The following AGBL4 variants were observed in gnomAD, a reference collection of about 807,000 sequenced individuals.
AGBL4 encodes the protein cytosolic carboxypeptidase 6.
A neutral mutation model predicts 66.4 loss-of-function variants in AGBL4; 58 were observed. The ratio of observed to expected loss-of-function variants is 0.87; its 90% CI spans 0.71 to 1.09. The LOEUF (loss-of-function observed/expected upper bound fraction) is 1.09. Ranked by LOEUF, AGBL4 falls within the 50% of genes least tolerant of loss-of-function variation. The pLI, the probability that AGBL4 is intolerant of heterozygous loss-of-function variation, is 0.00. For missense variants in AGBL4, 579 were observed against 631.0 expected (o/e 0.92, Z 0.88); for synonymous variants, 234 against 222.9 (o/e 1.05, Z -0.44).
intron 6 of AGBL4, chr1:48,742,513 C>T: frequency 8.5e-7 from 1 of 1,181,382 alleles, no homozygotes; most frequent in African/African-American, 1.6e-5. Flanking sequence ...AGGGCTAGGC[C>T]AGGAGGCCAA....
chr1:48,616,413 A>G (rs1360331275), intron 9 of AGBL4, among the ~76,000 whole-genome samples: 2 of 152,208 alleles, frequency 1.3e-5, no homozygotes. Flanking sequence ...CTAAGGTTAT[A>G]CAACCAGTAA....
intron 3 of AGBL4, among the ~76,000 whole-genome samples, chr1:49,318,890 A>C (rs1174104495): frequency 6.6e-6 from 1 of 152,068 alleles, no homozygotes; most frequent in Non-Finnish European, 1.5e-5. Flanking sequence ...GTGATATGTG[A>C]GTCTACCTAC....
At chr1:49,701,199 G>A (rs1293465332) in intron 2 of AGBL4, among the ~76,000 whole-genome samples, 4 of 151,960 alleles carry the variant, frequency 2.6e-5, no homozygotes, top group Non-Finnish European at 4.4e-5. Flanking sequence ...GGCTTAGGCA[G>A]CAGAATCACT....
chr1:49,005,284 A>G (rs1284875900), intron 5 of AGBL4, among the ~76,000 whole-genome samples: 1 of 152,200 alleles, frequency 6.6e-6, no homozygotes, highest in East Asian at 1.9e-4. Flanking sequence ...TTCATTTTCC[A>G]TGGTTTCAGT....
chr1:49,188,217 C>A (rs1403271635), intron 4 of AGBL4, among the ~76,000 whole-genome samples: 1 of 152,180 alleles, frequency 6.6e-6, no homozygotes, highest in South Asian at 2.1e-4. Flanking sequence ...TTCATTTCTG[C>A]AGATGCTGCT....
intron 3 of AGBL4, among the ~76,000 whole-genome samples, chr1:49,324,547 T>G (rs1645192528): frequency 6.6e-6 from 1 of 152,246 alleles, no homozygotes; most frequent in Non-Finnish European, 1.5e-5. Context: ...TTCCCAAATG[T>G]CTGTGTTTAC....
chr1:49,652,648 C>T (rs1160238783), intron 3 of AGBL4, among the ~76,000 whole-genome samples: 1 of 152,158 alleles, frequency 6.6e-6, no homozygotes, highest in African/African-American at 2.4e-5. Flanking sequence ...CCCCTGCTGC[C>T]AGTGCCAGCA....
intron 6 of AGBL4, among the ~76,000 whole-genome samples, chr1:48,758,504 A>G (rs964714915): frequency 3.3e-5 from 5 of 152,140 alleles, no homozygotes; most frequent in African/African-American, 1.2e-4. Flanking sequence ...GGCATTTATC[A>G]CTTTCTGACT....
chr1:48,940,813 C>T (rs1037610246), intron 5 of AGBL4, among the ~76,000 whole-genome samples: 5 of 152,178 alleles, frequency 3.3e-5, no homozygotes, highest in African/African-American at 1.2e-4. Context: ...TATTCCAACC[C>T]TGAGATTCAA....
chr1:48,815,521 T>C (rs1194228498), intron 6 of AGBL4, among the ~76,000 whole-genome samples: 1 of 152,158 alleles, frequency 6.6e-6, no homozygotes, highest in Non-Finnish European at 1.5e-5. Flanking sequence ...TTTCAACAAG[T>C]GACTTCACTC....
intron 3 of AGBL4, among the ~76,000 whole-genome samples, chr1:49,626,108 A>G (rs1645458457): frequency 6.6e-6 from 1 of 152,150 alleles, no homozygotes; most frequent in African/African-American, 2.4e-5. Flanking sequence ...TGGTTCCTGG[A>G]TCCATATATT....
intron 3 of AGBL4, among the ~76,000 whole-genome samples, chr1:49,664,745 G>A (rs1646330306): frequency 6.6e-6 from 1 of 151,904 alleles, no homozygotes; most frequent in African/African-American, 2.4e-5. Flanking sequence ...ACATAATATT[G>A]CTTTTAGTTA....
intron 1 of AGBL4, among the ~76,000 whole-genome samples, chr1:49,996,750 G>A (rs1204832494): frequency 6.6e-6 from 1 of 152,130 alleles, no homozygotes; most frequent in Admixed American, 6.5e-5. Flanking sequence ...CACTGCCTAG[G>A]CACATACTCA....
At position 49,414,306 on chromosome 1, in the gene AGBL4, G is replaced by C. The variant is rs1645380958; in HGVS notation, c.283-168442C>G. On this transcript the variant is annotated intron_variant, in intron 3 of 13. Coordinates refer to ENST00000371839, the MANE Select transcript of AGBL4 (RefSeq NM_032785.4). Reference sequence around the variant, plus strand: ...GTTGGTGAGTAAAAGGGAAATACATGAGAAAAAATGAAAGTTGCACCATTC... The same window carrying C: ...GTTGGTGAGTAAAAGGGAAATACATCAGAAAAAATGAAAGTTGCACCATTC... Among the ~76,000 whole-genome samples the C allele has an allele frequency of 3.3e-5, 5 of 152,060 alleles. No individual in the cohort carries two copies. In the South Asian group the frequency reaches 8.3e-4, roughly 25 times the overall value.
intron 4 of AGBL4, among the ~76,000 whole-genome samples, chr1:49,234,750 C>T (rs1020217760): frequency 4.6e-5 from 7 of 152,120 alleles, no homozygotes; most frequent in Admixed American, 3.3e-4. Flanking sequence ...AAACTAAAGC[C>T]TTTACTTCTA....
intron 1 of AGBL4, among the ~76,000 whole-genome samples, chr1:49,886,697 C>CCATT (rs1314843868): frequency 6.6e-6 from 1 of 152,094 alleles, no homozygotes; most frequent in African/African-American, 2.4e-5. Context: ...GAAGCAGAGA[C>CCATT]CATTCTCCTT....
At chr1:49,514,998 C>T (rs1004805406) in intron 3 of AGBL4, among the ~76,000 whole-genome samples, 42 of 152,200 alleles carry the variant, frequency 2.8e-4, no homozygotes, top group Non-Finnish European at 5.4e-4. Flanking sequence ...ATGTCTAAAA[C>T]ACCAAAAGCA....
chr1:49,467,389 G>A (rs1345258434), intron 3 of AGBL4, among the ~76,000 whole-genome samples: 1 of 151,810 alleles, frequency 6.6e-6, no homozygotes, highest in African/African-American at 2.4e-5. Flanking sequence ...GATAGAAGAG[G>A]TTCAATATTT....
Position 48,591,477 on chromosome 1 carries a change from T to A in AGBL4, c.952-492A>T, listed in dbSNP as rs117601894. Among the ~76,000 whole-genome samples the A allele has an allele frequency of 1.2e-3, 190 of 152,290 alleles. 2 individuals carry two copies. In the East Asian group the frequency reaches 0.017, roughly 14 times the overall value. ...GCTGGGAAGCTTGGTGTAAATCATG[T>A]CCCCACTTTGAGCCTCAGCTTTCTT... On this transcript the variant is annotated intron_variant, in intron 9 of 13. Transcript: ENST00000371839.
Sources: gnomAD v4.1 joint callset for allele counts (sites outside exome capture counted in the v4.1 genomes callset) on GRCh38, gnomAD v4.1.1 for gene constraint, MANE v1.5 for transcripts, NCBI Gene and HGNC (gene_info 2026-07-23, HGNC 2026-07-21) for gene names.